Variants in TULP3 observed in about 807,000 individuals in gnomAD.
TULP3 encodes the protein TUB like protein 3.
In TULP3, 38 loss-of-function variants were observed where a neutral mutation model predicts 50.7. The observed-to-expected ratio is 0.75, with a 90% CI of 0.58 to 0.98. The LOEUF (loss-of-function observed/expected upper bound fraction) is 0.98, where lower values mean the gene tolerates loss of function less well. TULP3 is among the 50% of genes least tolerant of loss of function. The pLI, the probability that TULP3 is intolerant of heterozygous loss-of-function variation, is 0.00. For synonymous variants in TULP3, 183 were observed against 196.6 expected, an observed-to-expected ratio of 0.93 and a Z score of 0.58; for missense variants, 550 against 568.0, an observed-to-expected ratio of 0.97 and a Z score of 0.32.
Position 2,898,643 on chromosome 12 carries a change from G to T in TULP3, c.41+7655G>T, listed in dbSNP as rs114272205. 8.7e-3 allele frequency among the ~76,000 whole-genome samples: 1,328 copies of T among 152,152 alleles called. 21 individuals are homozygous for T. The highest frequency in any genetic ancestry group is 0.031 in the African/African-American group (1,270 of 41,502). On this transcript the variant is annotated intron_variant, in intron 1 of 10. Transcript: ENST00000448120. ...GACTTTATGGACACTGGAATTTGAA[G>T]ACTTTTTTCTTTTTATTCATTACTT... is the stretch of plus-strand genomic sequence containing the variant.
At chr12:2,928,481 G>C (rs2098195924) in intron 4 of TULP3, among the ~76,000 whole-genome samples, 3 of 152,110 alleles carry the variant, frequency 2.0e-5, no homozygotes, top group African/African-American at 4.8e-5. Flanking sequence ...GGTGAGCCCA[G>C]ATTGCACCAT....
chr12:2,922,534 G>A, intron 4 of TULP3, 132 bp downstream of exon 4: 1 of 1,108,426 alleles, frequency 9.0e-7, no homozygotes, highest in Non-Finnish European at 1.3e-6. Context: ...AGAGGTGACA[G>A]TGTTTAGCAT....
chr12:2,899,660 A>G (rs901229080), intron 1 of TULP3, among the ~76,000 whole-genome samples: 27 of 151,686 alleles, frequency 1.8e-4, no homozygotes, highest in East Asian at 9.8e-4. Context: ...TTGGGAGGCC[A>G]AGGTGGGCGG....
At chr12:2,938,809 T>C (rs1249878319) in intron 10 of TULP3, among the ~76,000 whole-genome samples, 1 of 151,730 alleles carries the variant, frequency 6.6e-6, no homozygotes, top group Non-Finnish European at 1.5e-5. Flanking sequence ...AGAGAAGTCA[T>C]AGAGTAGGTT....
At chr12:2,913,882 T>G (rs1242779106) in intron 2 of TULP3, among the ~76,000 whole-genome samples, 1 of 152,218 alleles carries the variant, frequency 6.6e-6, no homozygotes, top group East Asian at 1.9e-4. Context: ...GTGCTGGGAT[T>G]ACAGGCATGA....
chr12:2,904,969 C>T (rs1240359496), intron 1 of TULP3, among the ~76,000 whole-genome samples: 5 of 151,500 alleles, frequency 3.3e-5, no homozygotes, highest in Admixed American at 3.3e-4. Flanking sequence ...CCTGTTATCC[C>T]AGCTGCTTGG....
At chr12:2,898,767 A>G (rs1305468795) in intron 1 of TULP3, among the ~76,000 whole-genome samples, 2 of 151,432 alleles carry the variant, frequency 1.3e-5, no homozygotes, top group Admixed American at 1.3e-4. Flanking sequence ...ACAGCCTTGA[A>G]CTCCTGGGTT....
chr12:2,911,612 G>A (rs1045354223), intron 2 of TULP3, among the ~76,000 whole-genome samples: 7 of 134,654 alleles, frequency 5.2e-5, no homozygotes, highest in East Asian at 2.2e-4. Context: ...TGATCCGCCC[G>A]CCTTAGCCTC....
At chr12:2,910,978 C>T (rs1297094815) in intron 2 of TULP3, among the ~76,000 whole-genome samples, 3 of 152,064 alleles carry the variant, frequency 2.0e-5, no homozygotes, top group Admixed American at 2.0e-4. Flanking sequence ...ATCCTAGTAT[C>T]GTAAGGCCCA....
In TULP3 at chr12:2,897,670, A is replaced by G. The variant is rs566410591; in HGVS notation, c.41+6682A>G. On this transcript the variant is annotated intron_variant, in intron 1 of 10. Coordinates refer to ENST00000448120, the MANE Select transcript of TULP3 (RefSeq NM_003324.5). ...GACATAGGGTCTTGCTGTATTGCCC[A>G]GGCTAGTCTTGAACTCGGGCCTCAA... is the stretch of plus-strand genomic sequence containing the variant. Among the ~76,000 whole-genome samples the G allele has an allele frequency of 6.7e-4, 101 of 150,324 alleles. No homozygotes were observed. In the Middle Eastern group the frequency reaches 0.01, roughly 15 times the overall value.
At chr12:2,895,003 G>A (rs887945707) in intron 1 of TULP3, among the ~76,000 whole-genome samples, 2 of 152,168 alleles carry the variant, frequency 1.3e-5, no homozygotes, top group Non-Finnish European at 1.5e-5. Flanking sequence ...AAGTTAAAAC[G>A]AACTTAAGTT....
At chr12:2,899,027 C>G (rs1241343070) in intron 1 of TULP3, among the ~76,000 whole-genome samples, 5 of 152,068 alleles carry the variant, frequency 3.3e-5, no homozygotes, top group African/African-American at 1.2e-4. Context: ...TATTATTCTT[C>G]AGATATTTTT....
At chr12:2,938,083 A>G in intron 9 of TULP3, 31 bp from the exon 10 acceptor site, 2 of 1,612,710 alleles carry the variant, frequency 1.2e-6, no homozygotes, top group Non-Finnish European at 1.7e-6. Context: ...TGGAGTTCTC[A>G]GTACAAAGTA....
intron 1 of TULP3, among the ~76,000 whole-genome samples, chr12:2,907,675 T>A (rs754609667): frequency 6.6e-6 from 1 of 151,700 alleles, no homozygotes; most frequent in African/African-American, 2.4e-5. Context: ...TTTATTCTTA[T>A]ACACACTGAA....
intron 1 of TULP3, among the ~76,000 whole-genome samples, chr12:2,901,575 A>G (rs976555732): frequency 6.6e-6 from 1 of 151,144 alleles, no homozygotes; most frequent in Admixed American, 6.6e-5. Context: ...TAGAGATGGG[A>G]TTTCACCATG....
chr12:2,933,620 A>G lies in TULP3; in HGVS notation c.809+90A>G, dbSNP rs909795783. ...AGTCCTTATCTTGGTTACAACTAGC[A>G]TGTATTGATGTTGTAATCTTAAAAA... On this transcript the variant is annotated intron_variant, in intron 7 of 10. Transcript: ENST00000448120. 34 of 660,596 alleles carry G rather than the reference A, an allele frequency of 5.1e-5. No individual in the cohort carries two copies. The African/African-American group carries it at 6.4e-4, about 12-fold the overall frequency. 40.9% of individuals were successfully genotyped at this position (660,596 alleles called of 1,614,324 possible). A position where few individuals can be genotyped will look rare whatever the true frequency, so the allele number is the denominator to read the frequency against.
chr12:2,901,295 TC>T (rs71057854), intron 1 of TULP3, among the ~76,000 whole-genome samples: 21,970 of 134,120 alleles, frequency 0.16, 1,843 homozygotes, highest in South Asian at 0.22. Flanking sequence ...ATTTTTTTTT[TC>T]TTTCTTTCTT....
At chr12:2,895,981 C>T (rs2098175371) in intron 1 of TULP3, among the ~76,000 whole-genome samples, 1 of 147,246 alleles carries the variant, frequency 6.8e-6, no homozygotes, top group Non-Finnish European at 1.5e-5. Context: ...ATCTTTGTTA[C>T]TCAGGCTGGA....
Position 2,891,003 on chromosome 12 carries a change from T to G in TULP3, c.41+15T>G. ...AGCGGCGACAGGTCAGACAGGGCCGTGGCAGGTCTCCTCCTGAGCGAGGCG... is the reference window on the plus strand; with the variant it reads ...AGCGGCGACAGGTCAGACAGGGCCGGGGCAGGTCTCCTCCTGAGCGAGGCG... On this transcript the variant is annotated intron_variant, in intron 1 of 10. Transcript: ENST00000448120. 1 of 1,577,422 alleles carries G rather than the reference T, an allele frequency of 6.3e-7. No individual in the cohort carries two copies.
Sources: gnomAD v4.1 joint callset for allele counts (sites outside exome capture counted in the v4.1 genomes callset) on GRCh38, gnomAD v4.1.1 for gene constraint, MANE v1.5 for transcripts, NCBI Gene and HGNC (gene_info 2026-07-23, HGNC 2026-07-21) for gene names.